TCF4: variants seen among roughly 807,000 people sequenced by gnomAD.
TCF4 encodes the protein SL3-3 enhancer factor 2.
TCF4 carries 3 observed loss-of-function variants against 82.1 expected under a neutral mutation model. That is an observed-to-expected ratio of 0.04 (90% CI 0.02 to 0.09). The LOEUF is 0.09. TCF4 is among the 10% of genes least tolerant of loss of function. TCF4 has a pLI of 1.00. For synonymous variants in TCF4, 276 were observed against 309.6 expected (o/e 0.89, Z 1.14); for missense variants, 518 against 852.7 (o/e 0.61, Z 4.89).
chr18:55,335,655 C>G (rs927444695), intron 8 of TCF4, among the ~76,000 whole-genome samples: 2 of 152,266 alleles, frequency 1.3e-5, no homozygotes, highest in South Asian at 4.1e-4. Context: ...GTTCTTCTTA[C>G]AGTTTACAGA....
At chr18:55,322,598 T>C (rs1043485660) in intron 8 of TCF4, among the ~76,000 whole-genome samples, 1 of 152,228 alleles carries the variant, frequency 6.6e-6, no homozygotes, top group Non-Finnish European at 1.5e-5. Context: ...TCCCCGGAGC[T>C]GGTGGGAAGC....
Position 55,228,946 on chromosome 18 carries a change from T to G in TCF4, c.1780A>C (p.Met594Leu). The G allele has an allele frequency of 6.2e-7, 1 of 1,614,186 alleles. No individual in the cohort carries two copies. Among genetic ancestry groups the G allele is most frequent in the Non-Finnish European group, 8.5e-7 (1 of 1,180,018 alleles). The change falls in exon 18 of 20, where the codon ATG becomes CTG. Residue 594 changes from methionine (M) to leucine (L), a missense_variant. Physicochemically the swap from Met to Leu is conservative, Grantham distance 15 (BLOSUM62 2). This residue lies in a region of TCF4 where 18 missense variants were observed against 116.7 expected (regional missense o/e 0.15). Transcript: ENST00000354452. ...INEAFKELGR[M>L]VQLHLKSDKP... ...TCACTCTTGAGGTGGAGCTGCACCA[T>G]GCGGCCGAGCTCTTTGAAAGCCTCG...
rs570064749 is a variant in TCF4, at chr18:55,244,992, A to T, written c.1350+9505T>A. Among the ~76,000 whole-genome samples the T allele has an allele frequency of 1.6e-4, 24 of 152,348 alleles. 1 individual carries two copies. The South Asian group carries it at 5.0e-3, about 32-fold the overall frequency. On this transcript the variant is annotated intron_variant, in intron 15 of 19. Transcript: ENST00000354452. ...AGGACAATGCTTCCCTAAAGATGTC[A>T]TTTCACTAATATTGGACAGATCTTT...
intron 2 of TCF4, among the ~76,000 whole-genome samples, chr18:55,604,388 T>C (rs1024056285): frequency 1.3e-5 from 2 of 152,124 alleles, no homozygotes; most frequent in African/African-American, 4.8e-5. Context: ...CTTCCTCTTT[T>C]TTCTTCCTCT....
chr18:55,374,831 G>A (rs959015112), intron 6 of TCF4, among the ~76,000 whole-genome samples: 21 of 133,520 alleles, frequency 1.6e-4, no homozygotes, highest in African/African-American at 6.1e-4. Flanking sequence ...TCACACCACT[G>A]CACTCCATTC....
intron 16 of TCF4, 198 bp downstream of exon 16, chr18:55,234,350 G>T (rs1216406350): frequency 8.5e-6 from 6 of 705,440 alleles, no homozygotes; most frequent in Non-Finnish European, 1.2e-5. Context: ...GAGGATGTTT[G>T]AGGAAAACAG....
chr18:55,465,144 C>G (rs999883259), intron 3 of TCF4, among the ~76,000 whole-genome samples: 2 of 152,112 alleles, frequency 1.3e-5, no homozygotes, highest in Admixed American at 6.5e-5. Context: ...TCACAAACAC[C>G]CTCTGACAGA....
chr18:55,555,905 T>C (rs544610142), intron 3 of TCF4, among the ~76,000 whole-genome samples: 1 of 152,308 alleles, frequency 6.6e-6, no homozygotes, highest in African/African-American at 2.4e-5. Context: ...GTCTTTCTGG[T>C]TTCCTATCAA....
intron 2 of TCF4, among the ~76,000 whole-genome samples, chr18:55,616,160 A>G (rs1213985194): frequency 5.9e-5 from 9 of 152,100 alleles, no homozygotes; most frequent in East Asian, 1.9e-4. Flanking sequence ...GCTGGCAACC[A>G]TCATTCTACT....
At chr18:55,534,785 T>C (rs2097100809) in intron 3 of TCF4, among the ~76,000 whole-genome samples, 1 of 152,232 alleles carries the variant, frequency 6.6e-6, no homozygotes, top group Non-Finnish European at 1.5e-5. Flanking sequence ...TTCCACTACA[T>C]GCCTGTGAAC....
intron 3 of TCF4, among the ~76,000 whole-genome samples, chr18:55,485,475 G>C (rs1311330384): frequency 6.6e-6 from 1 of 152,086 alleles, no homozygotes; most frequent in Non-Finnish European, 1.5e-5. Flanking sequence ...GTCCACAGAA[G>C]CATCATTTTC....
chr18:55,429,531 G>A (rs2095110111), intron 5 of TCF4, among the ~76,000 whole-genome samples: 1 of 152,152 alleles, frequency 6.6e-6, no homozygotes, highest in Non-Finnish European at 1.5e-5. Context: ...GGGAGGCCAA[G>A]ACCAGCGGAT....
At chr18:55,368,820 T>C (rs2088033811) in intron 6 of TCF4, among the ~76,000 whole-genome samples, 1 of 152,180 alleles carries the variant, frequency 6.6e-6, no homozygotes, top group Admixed American at 6.5e-5. Flanking sequence ...TGAACCTGGT[T>C]TGGATTCTGA....
chr18:55,425,041 A>G (rs1032193330), intron 5 of TCF4, among the ~76,000 whole-genome samples: 2 of 152,238 alleles, frequency 1.3e-5, no homozygotes, highest in Non-Finnish European at 2.9e-5. Context: ...CTGAAAATTT[A>G]CACTAAGAAC....
intron 11 of TCF4, among the ~76,000 whole-genome samples, chr18:55,264,420 G>A (rs1313859006): frequency 1.3e-5 from 2 of 152,144 alleles, no homozygotes; most frequent in Non-Finnish European, 2.9e-5. Flanking sequence ...CACTTGGAAT[G>A]CCTTTTGTTC....
At chr18:55,495,058 G>T (rs1175993706) in intron 3 of TCF4, among the ~76,000 whole-genome samples, 2 of 151,664 alleles carry the variant, frequency 1.3e-5, no homozygotes, top group Admixed American at 1.3e-4. Flanking sequence ...TGCATTCTTA[G>T]GTCTGGTTCT....
At chr18:55,464,438 A>G (rs2095958471) in intron 3 of TCF4, among the ~76,000 whole-genome samples, 1 of 152,216 alleles carries the variant, frequency 6.6e-6, no homozygotes, top group Non-Finnish European at 1.5e-5. Flanking sequence ...AAGTTTTATT[A>G]CAATCTTTTG....
chr18:55,315,659 T>G (rs1235904064), intron 8 of TCF4, among the ~76,000 whole-genome samples: 1 of 152,170 alleles, frequency 6.6e-6, no homozygotes, highest in Non-Finnish European at 1.5e-5. Flanking sequence ...TAAAATGCCA[T>G]GGTATCTATA....
At chr18:55,333,099 T>A (rs552582925) in intron 8 of TCF4, among the ~76,000 whole-genome samples, 3 of 152,226 alleles carry the variant, frequency 2.0e-5, no homozygotes, top group Non-Finnish European at 4.4e-5. Context: ...TCTGAAAGCA[T>A]ATTCTAAAAT....
Sources: allele counts gnomAD v4.1 joint callset (sites outside exome capture counted in the v4.1 genomes callset), GRCh38; gene constraint gnomAD v4.1.1; regional missense constraint gnomAD v4.1.1; transcripts MANE v1.5; gene names NCBI Gene and HGNC (gene_info 2026-07-23, HGNC 2026-07-21).